The following ILKAP variants were observed in gnomAD, a reference collection of about 807,000 sequenced individuals.
ILKAP encodes ILK associated serine/threonine phosphatase.
ILKAP carries 11 observed loss-of-function variants against 49.1 expected under a neutral mutation model. The observed-to-expected ratio is 0.22, with a 90% confidence interval of 0.14 to 0.37. ILKAP has a LOEUF of 0.37. Among genes scored for constraint, ILKAP ranks in the 10% least tolerant of loss-of-function variants. The probability of loss-of-function intolerance (pLI) is 1.00; values close to 1 mark genes in which losing one functional copy is unlikely to be tolerated. For missense variants in ILKAP, 363 were observed against 510.8 expected (o/e 0.71, Z 2.79); for synonymous variants, 186 against 192.8 (o/e 0.96, Z 0.29).
chr2:238,200,897 G>T (rs1435133959), intron 1 of ILKAP, among the ~76,000 whole-genome samples: 1 of 152,202 alleles, frequency 6.6e-6, no homozygotes, highest in Non-Finnish European at 1.5e-5. Flanking sequence ...CATACATACT[G>T]TACTAATTTG....
At chr2:238,173,692 A>C in intron 9 of ILKAP, 39 bp from the exon 10 acceptor site, 1 of 1,604,066 alleles carries the variant, frequency 6.2e-7, no homozygotes. Flanking sequence ...TCTACCTGAC[A>C]GATTATGGGT....
rs142259350 is a variant in ILKAP, at chr2:238,196,226, G to C, written c.56-1356C>G. Reference sequence around the variant, plus strand: ...CTGCCCCAGCCTCCTGAGTAGGTGAGATCACAGGCGCACACCACCATGCCC... The same window carrying C: ...CTGCCCCAGCCTCCTGAGTAGGTGACATCACAGGCGCACACCACCATGCCC... On this transcript the variant is annotated intron_variant, in intron 1 of 11. Transcript: ENST00000254654. Among the ~76,000 whole-genome samples the C allele has an allele frequency of 4.2e-3, 636 of 151,704 alleles. 6 individuals are homozygous for C. The highest frequency in any genetic ancestry group is 0.014 in the African/African-American group (595 of 41,372).
intron 9 of ILKAP, among the ~76,000 whole-genome samples, chr2:238,177,804 G>C (rs1053163606): frequency 1.3e-5 from 2 of 152,096 alleles, no homozygotes; most frequent in Admixed American, 1.3e-4. Context: ...ATCTGTTCGT[G>C]TCCCTGCTTT....
At chr2:238,191,176 G>A (rs1490054292) in intron 3 of ILKAP, among the ~76,000 whole-genome samples, 1 of 150,180 alleles carries the variant, frequency 6.7e-6, no homozygotes, top group Non-Finnish European at 1.5e-5. Flanking sequence ...TTGAGACGGA[G>A]TCTACTCTGT....
chr2:238,190,066 A>C lies in ILKAP; in HGVS notation c.179-94T>G, dbSNP rs986462044. The C allele has an allele frequency of 6.6e-6, 9 of 1,353,444 alleles. No homozygotes were observed. In the African/African-American group the frequency reaches 1.3e-4, roughly 20 times the overall value. The allele number at this position is 1,353,444 out of a possible 1,614,324, so 83.8% of individuals were successfully genotyped here. A position where few individuals can be genotyped will look rare whatever the true frequency, so the allele number is the denominator to read the frequency against. On this transcript the variant is annotated intron_variant, in intron 3 of 11. Coordinates refer to ENST00000254654, the MANE Select transcript of ILKAP (RefSeq NM_030768.3). Reference sequence around the variant, plus strand: ...GGCTTCATCCTAGCACTCAAAGACAAGGTCATTTGAAGCAAGGACTGGCAG... The same window carrying C: ...GGCTTCATCCTAGCACTCAAAGACACGGTCATTTGAAGCAAGGACTGGCAG...
chr2:238,178,800 AT>A (rs56336444), intron 9 of ILKAP, among the ~76,000 whole-genome samples: 42,106 of 151,456 alleles, frequency 0.28, 6,224 homozygotes, highest in South Asian at 0.37. Flanking sequence ...AATTATTATT[AT>A]TTTTTTTTAA....
intron 3 of ILKAP, among the ~76,000 whole-genome samples, chr2:238,191,913 A>AG: frequency 6.6e-6 from 1 of 151,800 alleles, no homozygotes; most frequent in Admixed American, 6.6e-5. Flanking sequence ...TCAAAAAAAA[A>AG]AAAAAGAAAA....
intron 3 of ILKAP, among the ~76,000 whole-genome samples, chr2:238,192,707 G>A (rs4663296): frequency 1.1e-4 from 15 of 139,524 alleles, no homozygotes; most frequent in African/African-American, 1.1e-4. Flanking sequence ...CTCAAAAAAG[G>A]AAAAAAAAAA....
chr2:238,172,001 G>A (rs536504362), intron 10 of ILKAP, among the ~76,000 whole-genome samples: 1 of 152,234 alleles, frequency 6.6e-6, no homozygotes, highest in South Asian at 2.1e-4. Context: ...TTTTCTCACT[G>A]TAATATCTGT....
intron 4 of ILKAP, chr2:238,189,589 GA>G (rs1326959685): frequency 7.7e-6 from 2 of 259,976 alleles, no homozygotes; most frequent in African/African-American, 2.3e-5. Flanking sequence ...AGAAGGCTAA[GA>G]AAAAAACCAC....
rs1693856812 is a variant in ILKAP at position 238,185,275 on chromosome 2, T to C, written c.438A>G (p.Ser146=). 6.2e-7 allele frequency: 1 copy of C among 1,609,822 alleles called. No homozygotes were observed. Among genetic ancestry groups the C allele is most frequent in the Non-Finnish European group, 8.5e-7 (1 of 1,176,120 alleles). ...RPPSSLITRV[S]YFAVFDGHGG... ...CATGTCCATCAAAAACAGCAAAATA[T>C]GAAACCCGAGTACTGAAAGAACGAA... The change falls in exon 6 of 12, where the codon TCA becomes TCG. Residue 146 remains serine (S), a synonymous_variant. Coordinates refer to ENST00000254654, the MANE Select transcript of ILKAP (RefSeq NM_030768.3).
At chr2:238,179,511 T>C (rs951006601) in intron 9 of ILKAP, among the ~76,000 whole-genome samples, 2 of 152,158 alleles carry the variant, frequency 1.3e-5, no homozygotes, top group African/African-American at 4.8e-5. Flanking sequence ...AATAATGATT[T>C]AGGGATGCTA....
intron 5 of ILKAP, chr2:238,185,998 A>T (rs548178640): frequency 6.6e-6 from 1 of 152,348 alleles, no homozygotes; most frequent in Non-Finnish European, 1.5e-5. Context: ...TGACAACAAA[A>T]CTAAAATTCA....
At chr2:238,189,438 A>T (rs2106336574) in intron 4 of ILKAP, among the ~76,000 whole-genome samples, 1 of 152,378 alleles carries the variant, frequency 6.6e-6, no homozygotes, top group South Asian at 2.1e-4. Flanking sequence ...AACTGACTAC[A>T]AATTTCAACG....
chr2:238,199,252 C>T (rs765077029), intron 1 of ILKAP, among the ~76,000 whole-genome samples: 2 of 152,212 alleles, frequency 1.3e-5, no homozygotes, highest in African/African-American at 4.8e-5. Context: ...TGATAAGTGA[C>T]GCCACAATCA....
intron 3 of ILKAP, among the ~76,000 whole-genome samples, chr2:238,190,178 C>T (rs569461337): frequency 6.8e-4 from 103 of 152,210 alleles, no homozygotes; most frequent in Non-Finnish European, 1.3e-3. Flanking sequence ...AGTTAAGATC[C>T]AGGCCCTGAG....
chr2:238,182,943 T>C (rs1181798834), intron 8 of ILKAP, among the ~76,000 whole-genome samples: 2 of 152,110 alleles, frequency 1.3e-5, no homozygotes, highest in East Asian at 3.9e-4. Flanking sequence ...AGAAGCATCG[T>C]GGGGAGGGGT....
intron 10 of ILKAP, among the ~76,000 whole-genome samples, chr2:238,172,331 C>A (rs1047032437): frequency 3.3e-5 from 5 of 152,218 alleles, no homozygotes; most frequent in African/African-American, 1.2e-4. Flanking sequence ...GGATTACAGG[C>A]GTGAGCCACC....
intron 1 of ILKAP, among the ~76,000 whole-genome samples, chr2:238,202,771 T>G (rs1694622702): frequency 6.6e-6 from 1 of 151,854 alleles, no homozygotes; most frequent in Non-Finnish European, 1.5e-5. Flanking sequence ...TGTTTCAAGC[T>G]GCTAGGATGC....
Sources: gnomAD v4.1 joint callset for allele counts (sites outside exome capture counted in the v4.1 genomes callset) on GRCh38, gnomAD v4.1.1 for gene constraint, MANE v1.5 for transcripts, NCBI Gene and HGNC (gene_info 2026-07-23, HGNC 2026-07-21) for gene names.